ITGA6: variants seen among roughly 807,000 people sequenced by gnomAD.
ITGA6 encodes integrin subunit alpha 6, also known as integrin alpha-6.
Under a neutral mutation model 133.6 loss-of-function variants are expected in ITGA6, and 63 were observed. The ratio of observed to expected loss-of-function variants is 0.47; its 90% CI spans 0.38 to 0.58. The LOEUF is 0.58. ITGA6 is among the 20% of genes least tolerant of loss of function. The probability of loss-of-function intolerance (pLI) is 0.00; values close to 1 mark genes in which losing one functional copy is unlikely to be tolerated. For synonymous variants in ITGA6, 434 were observed against 482.0 expected (o/e 0.90, Z 1.30); for missense variants, 1,068 against 1,309.4 (o/e 0.82, Z 2.85).
intron 1 of ITGA6, among the ~76,000 whole-genome samples, chr2:172,434,337 G>C (rs1241522700): frequency 6.6e-6 from 1 of 152,138 alleles, no homozygotes; most frequent in Non-Finnish European, 1.5e-5. Flanking sequence ...ACCAGTGCAG[G>C]TCCCTGTCAA....
rs748520457 is a variant in ITGA6 at position 172,472,896 on chromosome 2, T to C, written c.776-1159T>C. 5 of 1,532,516 alleles carry C rather than the reference T, an allele frequency of 3.3e-6. No homozygotes were observed. In the Admixed American group the frequency reaches 8.3e-5, roughly 26 times the overall value. The allele number at this position is 1,532,516 out of a possible 1,614,324, so 94.9% of individuals were successfully genotyped here. ...GATGATGAATAGCTACCTAGGTTTG[T>C]GACCTCTGCGACGACAAATAAATTG... is the stretch of plus-strand genomic sequence containing the variant. On this transcript the variant is annotated intron_variant, in intron 5 of 25. Coordinates refer to ENST00000684293, the MANE Select transcript of ITGA6 (RefSeq NM_000210.4).
intron 1 of ITGA6, among the ~76,000 whole-genome samples, chr2:172,433,823 G>A (rs764600120): frequency 1.3e-5 from 2 of 152,240 alleles, no homozygotes; most frequent in South Asian, 2.1e-4. Context: ...GCAGCCCTTC[G>A]TAGCTACTAA....
chr2:172,472,206 C>A (rs1685973387), intron 5 of ITGA6, among the ~76,000 whole-genome samples: 1 of 152,178 alleles, frequency 6.6e-6, no homozygotes, highest in South Asian at 2.1e-4. Context: ...CATCTGTAGT[C>A]CCAGCTACTC....
At chr2:172,439,744 G>T (rs1203634619) in intron 1 of ITGA6, among the ~76,000 whole-genome samples, 1 of 152,186 alleles carries the variant, frequency 6.6e-6, no homozygotes, top group African/African-American at 2.4e-5. Flanking sequence ...CTAGAAGGAA[G>T]ACTGAGACCC....
In ITGA6 at chr2:172,489,548, A is replaced by G. The variant is rs1418257885; in HGVS notation, c.2569A>G (p.Lys857Glu). 6.2e-7 allele frequency: 1 copy of G among 1,614,126 alleles called. No individual in the cohort carries two copies. Among genetic ancestry groups the G allele is most frequent in the South Asian group, 1.1e-5 (1 of 91,088 alleles). ...GTATLNIQWP[K>E]EISNGKWLLY... Reference sequence around the variant, plus strand: ...AGCAACCTTGAACATTCAGTGGCCAAAAGAAATTAGCAATGGGAAATGGTT... The same window carrying G: ...AGCAACCTTGAACATTCAGTGGCCAGAAGAAATTAGCAATGGGAAATGGTT... The change falls in exon 20 of 26, where the codon AAA becomes GAA. Residue 857 changes from lysine to glutamate, a missense_variant. Physicochemically the swap from Lys to Glu is moderately conservative, Grantham distance 56. Around this residue, in one of 3 missense-constraint regions of ITGA6, gnomAD observed 609 missense variants for 707.2 expected, o/e 0.86. Transcript: ENST00000684293.
intron 8 of ITGA6, 117 bp from the exon 9 acceptor site, chr2:172,476,273 ATTTAC>A (rs1686170442): frequency 5.4e-6 from 4 of 741,394 alleles, no homozygotes; most frequent in Non-Finnish European, 1.0e-5. Context: ...ATATAATATA[ATTTAC>A]TTATAAGTGA....
intron 1 of ITGA6, among the ~76,000 whole-genome samples, chr2:172,439,646 T>C (rs1381574290): frequency 6.7e-6 from 1 of 148,904 alleles, no homozygotes; most frequent in Non-Finnish European, 1.5e-5. Context: ...TGCTTTGCAC[T>C]GTGCCTCTGT....
At position 172,444,411 on chromosome 2, in the gene ITGA6, G is replaced by T. The variant is rs1290225771; in HGVS notation, c.182+16441G>T. On this transcript the variant is annotated intron_variant, in intron 1 of 25. Transcript: ENST00000684293. ...TTTCATTCTGGTTGGTGCACGTTGA[G>T]TATCCCAAATATGAACAACCAAAAT... 3.3e-5 allele frequency among the ~76,000 whole-genome samples: 5 copies of T among 152,140 alleles called. 1 individual carries two copies. The highest frequency in any genetic ancestry group is 1.2e-4 in the African/African-American group (5 of 41,420).
intron 2 of ITGA6, 95 bp downstream of exon 2, chr2:172,465,758 G>A (rs1447716405): frequency 6.6e-7 from 1 of 1,513,698 alleles, no homozygotes. Flanking sequence ...TATTCTTGTA[G>A]AGAGGACTTC....
rs1209270486 is a variant in ITGA6 at position 172,475,039 on chromosome 2, C to A, written c.1097C>A (p.Pro366Gln). 6.2e-7 allele frequency: 1 copy of A among 1,606,842 alleles called. No homozygotes were observed. Among genetic ancestry groups the A allele is most frequent in the Non-Finnish European group, 8.5e-7 (1 of 1,173,488 alleles). The change falls in exon 7 of 26, where the codon CCA becomes CAA. Residue 366 changes from proline to glutamine, a missense_variant. Transcript: ENST00000684293. ...NQQGRWNNVK[P>Q]IRLNGTKDSM... ...CAAGGCAGATGGAATAATGTGAAGCCAATTCGTCTTAATGGAACCAAAGAT... is the reference window on the plus strand; with the variant it reads ...CAAGGCAGATGGAATAATGTGAAGCAAATTCGTCTTAATGGAACCAAAGAT...
At chr2:172,445,635 T>C (rs1246142410) in intron 1 of ITGA6, among the ~76,000 whole-genome samples, 9 of 140,788 alleles carry the variant, frequency 6.4e-5, no homozygotes, top group Non-Finnish European at 1.2e-4. Flanking sequence ...GGCGACAGAG[T>C]GAGACTCCGT....
upstream of ITGA6, chr2:172,427,581 A>C (rs1683895173): frequency 8.0e-7 from 1 of 1,251,642 alleles, no homozygotes. Flanking sequence ...GAGTCTCCAG[A>C]GAACAACGGG....
At chr2:172,475,576 A>C (rs765832416) in intron 7 of ITGA6, 21 bp from the exon 8 acceptor site, 1 of 1,368,670 alleles carries the variant, frequency 7.3e-7, no homozygotes, top group East Asian at 2.3e-5. Flanking sequence ...TTAAAATGTT[A>C]AAATGTGATG....
intron 1 of ITGA6, among the ~76,000 whole-genome samples, chr2:172,452,702 C>T (rs1685056613): frequency 6.6e-6 from 1 of 152,196 alleles, no homozygotes; most frequent in South Asian, 2.1e-4. Context: ...GCTTCGTCTG[C>T]CAAGTTGAAG....
intron 5 of ITGA6, among the ~76,000 whole-genome samples, chr2:172,473,692 C>T (rs1270540585): frequency 1.3e-5 from 2 of 152,142 alleles, no homozygotes; most frequent in African/African-American, 4.8e-5. Flanking sequence ...TGTAACATAA[C>T]CAAATTATTC....
chr2:172,484,373 C>T (rs754769602), intron 11 of ITGA6, among the ~76,000 whole-genome samples: 1 of 150,694 alleles, frequency 6.6e-6, no homozygotes, highest in Non-Finnish European at 1.5e-5. Flanking sequence ...AGCAAAGGCA[C>T]GAGGCCACTT....
At chr2:172,482,366 G>A (rs1487712748) in intron 11 of ITGA6, among the ~76,000 whole-genome samples, 1 of 152,152 alleles carries the variant, frequency 6.6e-6, no homozygotes. Flanking sequence ...TCTTCTCCCA[G>A]TAGCCAAGAA....
At chr2:172,463,574 G>A (rs1448282077) in intron 1 of ITGA6, among the ~76,000 whole-genome samples, 1 of 152,142 alleles carries the variant, frequency 6.6e-6, no homozygotes, top group Non-Finnish European at 1.5e-5. Context: ...AAGAAATGGA[G>A]ACAACATTGC....
intron 1 of ITGA6, among the ~76,000 whole-genome samples, chr2:172,447,508 A>G (rs1003213333): frequency 2.0e-5 from 3 of 152,156 alleles, no homozygotes; most frequent in Admixed American, 2.0e-4. Flanking sequence ...CCCAGCCCCA[A>G]TTTTATTTTA....
Sources: allele counts gnomAD v4.1 joint callset (sites outside exome capture counted in the v4.1 genomes callset), GRCh38; gene constraint gnomAD v4.1.1; regional missense constraint gnomAD v4.1.1; transcripts MANE v1.5; gene names NCBI Gene and HGNC (gene_info 2026-07-23, HGNC 2026-07-21).